KIAA0825: variants seen among roughly 807,000 people sequenced by gnomAD.
The protein encoded by KIAA0825 is KIAA0825, also known as uncharacterized protein KIAA0825.
Under a neutral mutation model 147.6 loss-of-function variants are expected in KIAA0825, and 119 were observed. The ratio of observed to expected loss-of-function variants is 0.81; its 90% CI spans 0.69 to 0.94. The LOEUF is 0.94. KIAA0825 is among the 40% of genes least tolerant of loss of function. The probability of loss-of-function intolerance (pLI) is 0.00; values close to 1 mark genes in which losing one functional copy is unlikely to be tolerated. For synonymous variants in KIAA0825, 470 were observed against 518.1 expected (o/e 0.91, Z 1.26); for missense variants, 1,381 against 1,472.7 (o/e 0.94, Z 1.02).
intron 1 of KIAA0825, among the ~76,000 whole-genome samples, chr5:94,592,538 T>C (rs1784532706): frequency 6.6e-6 from 1 of 152,140 alleles, no homozygotes; most frequent in Admixed American, 6.6e-5. Flanking sequence ...GCATTCCATG[T>C]TGGGACCAGG....
intron 20 of KIAA0825, among the ~76,000 whole-genome samples, chr5:94,374,967 G>A (rs977552821): frequency 2.6e-5 from 4 of 151,532 alleles, no homozygotes; most frequent in African/African-American, 9.7e-5. Context: ...AAGAATATCT[G>A]GATCACGCTG....
intron 13 of KIAA0825, among the ~76,000 whole-genome samples, chr5:94,450,742 G>A (rs1758296366): frequency 6.6e-6 from 1 of 152,124 alleles, no homozygotes; most frequent in African/African-American, 2.4e-5. Flanking sequence ...GACCATAGCA[G>A]AGCTAAACAC....
At chr5:94,406,740 TC>T (rs1411240109) in intron 15 of KIAA0825, among the ~76,000 whole-genome samples, 4 of 152,196 alleles carry the variant, frequency 2.6e-5, no homozygotes, top group African/African-American at 9.7e-5. Context: ...CTCCCATTCC[TC>T]AGCAAGTTCT....
At position 94,529,195 on chromosome 5, in the gene KIAA0825, A is replaced by T. The variant is rs577406778; in HGVS notation, c.132-5097T>A. On this transcript the variant is annotated intron_variant, in intron 3 of 20. Coordinates refer to ENST00000682413, the MANE Select transcript of KIAA0825 (RefSeq NM_001145678.3). Reference sequence around the variant, plus strand: ...TACTCTCATATATATTATATATATGAAGTAGTATATATATCATATATATGT... The same window carrying T: ...TACTCTCATATATATTATATATATGTAGTAGTATATATATCATATATATGT... Among the ~76,000 whole-genome samples the T allele has an allele frequency of 6.1e-5, 9 of 146,682 alleles. No homozygotes were observed. In the South Asian group the frequency reaches 1.7e-3, roughly 27 times the overall value.
chr5:94,202,297 AG>A (rs1460052394), intron 20 of KIAA0825, among the ~76,000 whole-genome samples: 4 of 152,268 alleles, frequency 2.6e-5, no homozygotes, highest in African/African-American at 9.6e-5. Context: ...AAAAATCACA[AG>A]GGTAGTGGTG....
chr5:94,190,491 ATTTTTT>A (rs70975895), intron 20 of KIAA0825, among the ~76,000 whole-genome samples: 46 of 106,274 alleles, frequency 4.3e-4, no homozygotes, highest in Non-Finnish European at 6.5e-4. Flanking sequence ...ACGCCCAGCT[ATTTTTT>A]TTTTTTTTTT....
In KIAA0825 at chr5:94,333,495, A is replaced by G. The variant is rs996741320; in HGVS notation, c.3710+50873T>C. On this transcript the variant is annotated intron_variant, in intron 20 of 20. Coordinates refer to ENST00000682413, the MANE Select transcript of KIAA0825 (RefSeq NM_001145678.3). ...TTATTAAATAGGGAATCCTTAACCC[A>G]TTGCTTGTTTTTGTCAGGTTTGTCA... Among the ~76,000 whole-genome samples the G allele has an allele frequency of 4.6e-5, 7 of 152,202 alleles. No homozygotes were observed. In the East Asian group the frequency reaches 7.7e-4, roughly 17 times the overall value.
rs144453659 is a variant in KIAA0825 at position 94,475,479 on chromosome 5, A to G, written c.1227+1632T>C. 9.7e-4 allele frequency among the ~76,000 whole-genome samples: 147 copies of G among 152,318 alleles called. 1 individual carries two copies. Among genetic ancestry groups the G allele is most frequent in the Middle Eastern group, 6.8e-3 (2 of 294 alleles). ...GCCTATCTGAATTCTCTTTTCAAAT[A>G]TAGAAAAACAAGTACATTAACAGCT... On this transcript the variant is annotated intron_variant, in intron 7 of 20. Coordinates refer to ENST00000682413, the MANE Select transcript of KIAA0825 (RefSeq NM_001145678.3).
intron 20 of KIAA0825, among the ~76,000 whole-genome samples, chr5:94,305,265 A>G (rs1778650000): frequency 6.6e-6 from 1 of 151,974 alleles, no homozygotes; most frequent in Non-Finnish European, 1.5e-5. Context: ...CACAGGCCAA[A>G]AAGCTTAAAG....
chr5:94,312,548 G>A lies in KIAA0825; in HGVS notation c.3710+71820C>T, dbSNP rs185158690. Among the ~76,000 whole-genome samples the A allele has an allele frequency of 3.3e-3, 503 of 151,676 alleles. 1 individual carries two copies. Among genetic ancestry groups the A allele is most frequent in the Non-Finnish European group, 6.0e-3 (407 of 67,742 alleles). On this transcript the variant is annotated intron_variant, in intron 20 of 20. Coordinates refer to ENST00000682413, the MANE Select transcript of KIAA0825 (RefSeq NM_001145678.3). ...GATCCACAGAAGACTTCTTAAGCACGCTTTTGCATATCAGACAGCAATGAT... is the reference window on the plus strand; with the variant it reads ...GATCCACAGAAGACTTCTTAAGCACACTTTTGCATATCAGACAGCAATGAT...
At position 94,160,709 on chromosome 5, in the gene KIAA0825, A is replaced by G. The variant is rs1767494568; in HGVS notation, c.3711-6585T>C. 5.3e-5 allele frequency among the ~76,000 whole-genome samples: 8 copies of G among 150,446 alleles called. 1 individual carries two copies. The South Asian group carries it at 1.7e-3, about 31-fold the overall frequency. ...CATGTATGTATATTTAATATATAAT[A>G]TATGTCTGTATATTTAAATTATTCA... On this transcript the variant is annotated intron_variant, in intron 20 of 20. Transcript: ENST00000682413.
intron 20 of KIAA0825, among the ~76,000 whole-genome samples, chr5:94,326,533 G>A (rs1032655445): frequency 2.0e-5 from 3 of 152,054 alleles, no homozygotes; most frequent in Non-Finnish European, 2.9e-5. Context: ...CAATTGAATC[G>A]GTTGTCTAAA....
chr5:94,611,005 G>A (rs1788667643), intron 1 of KIAA0825, among the ~76,000 whole-genome samples: 1 of 151,940 alleles, frequency 6.6e-6, no homozygotes, highest in African/African-American at 2.4e-5. Context: ...TGGCATGACT[G>A]CTAGTTGCTA....
intron 1 of KIAA0825, chr5:94,594,402 G>A (rs1584993357): frequency 2.6e-6 from 2 of 771,776 alleles, no homozygotes; most frequent in East Asian, 2.9e-5. Flanking sequence ...AATCAATTGT[G>A]TAAAAGCCTC....
chr5:94,454,084 T>A (rs1240407886), intron 12 of KIAA0825, among the ~76,000 whole-genome samples: 1 of 152,214 alleles, frequency 6.6e-6, no homozygotes, highest in African/African-American at 2.4e-5. Context: ...TTTTTCTAGA[T>A]TGGCTCAAAT....
chr5:94,593,324 C>A (rs1209024504), intron 1 of KIAA0825: 4 of 833,124 alleles, frequency 4.8e-6, no homozygotes, highest in Non-Finnish European at 8.5e-6. Context: ...AACTTGGAAA[C>A]CATCCAGAAC....
intron 20 of KIAA0825, among the ~76,000 whole-genome samples, chr5:94,223,474 CTG>C (rs1352631161): frequency 1.3e-5 from 2 of 152,200 alleles, no homozygotes; most frequent in African/African-American, 4.8e-5. Flanking sequence ...GCAAAGGAAT[CTG>C]TTACCTGTTC....
rs183636033 is a variant in KIAA0825 at position 94,266,568 on chromosome 5, T to C, written c.3711-112444A>G. Among the ~76,000 whole-genome samples, 492 of 152,308 alleles carry C rather than the reference T, an allele frequency of 3.2e-3. 1 individual carries two copies. Among genetic ancestry groups the C allele is most frequent in the African/African-American group, 0.012 (479 of 41,570 alleles). On this transcript the variant is annotated intron_variant, in intron 20 of 20. Transcript: ENST00000682413. ...TTCCTTTTTTATCCAATTACATTTC[T>C]GTGCGAGGTCATATTTTCTTCATAT...
chr5:94,164,578 A>G (rs1364824461), intron 20 of KIAA0825, among the ~76,000 whole-genome samples: 2 of 151,882 alleles, frequency 1.3e-5, no homozygotes, highest in African/African-American at 4.8e-5. Context: ...CGTCCGGCTA[A>G]TTTTTTGTAT....
Sources: allele counts gnomAD v4.1 joint callset (sites outside exome capture counted in the v4.1 genomes callset), GRCh38; gene constraint gnomAD v4.1.1; transcripts MANE v1.5; gene names NCBI Gene and HGNC (gene_info 2026-07-23, HGNC 2026-07-21).